Variants in TENM3 observed in about 807,000 individuals in gnomAD.
The protein encoded by TENM3 is teneurin-3.
A neutral mutation model predicts 255.1 loss-of-function variants in TENM3; 63 were observed. That is an observed-to-expected ratio of 0.25 (90% confidence interval 0.20 to 0.30). TENM3 has a LOEUF of 0.30. TENM3 is among the 10% of genes least tolerant of loss of function. The pLI is 1.00. For synonymous variants in TENM3, 1,306 were observed against 1,322.3 expected (o/e 0.99, Z 0.27); for missense variants, 2,929 against 3,461.1 (o/e 0.85, Z 3.86).
chr4:181,690,200 G>A, the TENM3 span, among the ~76,000 whole-genome samples: 8 of 151,990 alleles, frequency 5.3e-5, no homozygotes, highest in East Asian at 1.4e-3. Context: ...AAGCCTGTGA[G>A]TATTCAAGAA....
At chr4:181,632,519 G>C in the TENM3 span, among the ~76,000 whole-genome samples, 49 of 152,286 alleles carry the variant, frequency 3.2e-4, no homozygotes, top group African/African-American at 1.1e-3. Context: ...TCTGATTCCA[G>C]GATTCCAGTG....
chr4:182,563,996 A>G (rs1485146389), intron 3 of TENM3, among the ~76,000 whole-genome samples: 1 of 152,148 alleles, frequency 6.6e-6, no homozygotes, highest in Non-Finnish European at 1.5e-5. Flanking sequence ...TTCCTGCCCC[A>G]GTATGTTCTT....
At chr4:182,310,686 GGAA>G (rs1762389497) in intron 1 of TENM3, among the ~76,000 whole-genome samples, 1 of 151,530 alleles carries the variant, frequency 6.6e-6, no homozygotes, top group South Asian at 2.1e-4. Context: ...TTTTTTTCAG[GGAA>G]ATACATGAAA....
the TENM3 span, among the ~76,000 whole-genome samples, chr4:181,851,637 TGCACACAC>T: frequency 6.6e-6 from 1 of 151,716 alleles, no homozygotes. Context: ...CATGCACACA[TGCACACAC>T]GCACACACAC....
chr4:182,661,200 T>C (rs1203874277), intron 6 of TENM3, among the ~76,000 whole-genome samples: 2 of 138,716 alleles, frequency 1.4e-5, no homozygotes, highest in Admixed American at 1.4e-4. Flanking sequence ...TAATTTTTTT[T>C]TTTTTTTTTT....
At chr4:182,034,344 C>T in the TENM3 span, among the ~76,000 whole-genome samples, 2 of 152,144 alleles carry the variant, frequency 1.3e-5, no homozygotes, top group South Asian at 4.1e-4. Context: ...TCCAGCTTGC[C>T]ATTCTGTGTC....
chr4:182,336,526 A>G (rs1764152479), intron 2 of TENM3, among the ~76,000 whole-genome samples: 1 of 152,206 alleles, frequency 6.6e-6, no homozygotes, highest in Admixed American at 6.5e-5. Flanking sequence ...TTCAGTCAAA[A>G]GGTCAAAGGC....
chr4:182,334,723 G>A (rs942553240), intron 2 of TENM3, among the ~76,000 whole-genome samples: 1 of 152,084 alleles, frequency 6.6e-6, no homozygotes, highest in African/African-American at 2.4e-5. Flanking sequence ...AAATGGTGCT[G>A]GCACAACTGG....
chr4:181,547,795 T>C, the TENM3 span, among the ~76,000 whole-genome samples: 3 of 152,142 alleles, frequency 2.0e-5, no homozygotes, highest in Admixed American at 2.0e-4. Flanking sequence ...TTTCCATTGA[T>C]ATTTATTTAT....
intron 3 of TENM3, among the ~76,000 whole-genome samples, chr4:182,395,120 A>C (rs375798966): frequency 2.6e-5 from 4 of 152,324 alleles, no homozygotes; most frequent in African/African-American, 7.2e-5. Flanking sequence ...CTGATGATCT[A>C]GTCTGTGAGA....
intron 1 of TENM3, among the ~76,000 whole-genome samples, chr4:182,166,962 G>A (rs1751763711): frequency 6.6e-6 from 1 of 152,062 alleles, no homozygotes; most frequent in African/African-American, 2.4e-5. Flanking sequence ...GTTGTTTTGT[G>A]GATGACATTC....
At chr4:181,756,244 G>A in the TENM3 span, among the ~76,000 whole-genome samples, 1 of 152,088 alleles carries the variant, frequency 6.6e-6, no homozygotes, top group African/African-American at 2.4e-5. Context: ...GTGAAACAGT[G>A]GAAGGGTTAC....
the TENM3 span, among the ~76,000 whole-genome samples, chr4:182,049,746 G>A: frequency 6.6e-6 from 1 of 152,160 alleles, no homozygotes; most frequent in African/African-American, 2.4e-5. Context: ...CACAGATCTC[G>A]GCATCGGCGA....
the TENM3 span, among the ~76,000 whole-genome samples, chr4:181,601,085 T>C: frequency 1.3e-5 from 2 of 152,148 alleles, no homozygotes; most frequent in African/African-American, 4.8e-5. Context: ...ATACTACCGG[T>C]GCACATCGGC....
upstream of TENM3, among the ~76,000 whole-genome samples, chr4:182,139,102 G>A (rs1344074456): frequency 6.6e-6 from 1 of 152,186 alleles, no homozygotes; most frequent in African/African-American, 2.4e-5. Context: ...CTAGGCTTGT[G>A]TGTCCAAAGA....
At chr4:181,873,403 G>C in the TENM3 span, among the ~76,000 whole-genome samples, 2 of 152,022 alleles carry the variant, frequency 1.3e-5, no homozygotes, top group African/African-American at 4.8e-5. Context: ...AATTTTCCTT[G>C]AATCTCTGCT....
intron 3 of TENM3, among the ~76,000 whole-genome samples, chr4:182,522,896 C>T (rs1397431830): frequency 6.6e-6 from 1 of 152,194 alleles, no homozygotes; most frequent in Admixed American, 6.5e-5. Flanking sequence ...AACGGCTGCA[C>T]TACTTTACAT....
chr4:182,568,565 G>A (rs527468517), intron 3 of TENM3, among the ~76,000 whole-genome samples: 12 of 152,136 alleles, frequency 7.9e-5, no homozygotes, highest in Non-Finnish European at 1.3e-4. Context: ...TAAGGATTTG[G>A]TATGGTACAA....
chr4:182,499,823 C>T (rs567462727), intron 3 of TENM3, among the ~76,000 whole-genome samples: 59 of 152,290 alleles, frequency 3.9e-4, no homozygotes, highest in African/African-American at 1.4e-3. Flanking sequence ...AAAATCTCCA[C>T]TACCCTTCTC....
Sources: gnomAD v4.1 joint callset for allele counts (sites outside exome capture counted in the v4.1 genomes callset) on GRCh38, gnomAD v4.1.1 for gene constraint, MANE v1.5 for transcripts, NCBI Gene and HGNC (gene_info 2026-07-23, HGNC 2026-07-21) for gene names.